Variants in DLGAP1 observed in about 807,000 individuals in gnomAD.
DLGAP1 encodes disks large-associated protein 1.
In DLGAP1, 11 loss-of-function variants were observed where a neutral mutation model predicts 90.8. That is an observed-to-expected ratio of 0.12 (90% CI 0.08 to 0.20). DLGAP1 has a LOEUF of 0.20. Among genes scored for constraint, DLGAP1 ranks in the 10% least tolerant of loss-of-function variants. The pLI, the probability that DLGAP1 is intolerant of heterozygous loss-of-function variation, is 1.00. For missense variants in DLGAP1, 1,050 were observed against 1,333.8 expected (o/e 0.79, Z 3.31); for synonymous variants, 558 against 540.7 (o/e 1.03, Z -0.44).
intron 5 of DLGAP1, among the ~76,000 whole-genome samples, chr18:3,812,294 C>A (rs1020295117): frequency 1.2e-4 from 18 of 151,896 alleles, no homozygotes; most frequent in Non-Finnish European, 2.2e-4. Context: ...AAATCCAGTT[C>A]TTCTAATTTA....
At chr18:4,307,906 G>A (rs1395331893) in intron 1 of DLGAP1, among the ~76,000 whole-genome samples, 3 of 151,972 alleles carry the variant, frequency 2.0e-5, no homozygotes, top group Admixed American at 6.6e-5. Flanking sequence ...AGTAGAGATG[G>A]GGTTTCGCTA....
chr18:3,758,696 T>C (rs1176797468), intron 5 of DLGAP1, among the ~76,000 whole-genome samples: 1 of 152,182 alleles, frequency 6.6e-6, no homozygotes, highest in African/African-American at 2.4e-5. Context: ...ATGTCCTCCA[T>C]AACATCCAGC....
chr18:4,111,821 C>T (rs1303328650), intron 2 of DLGAP1, among the ~76,000 whole-genome samples: 7 of 151,810 alleles, frequency 4.6e-5, no homozygotes, highest in East Asian at 3.9e-4. Flanking sequence ...ATGTGAATCT[C>T]ATCTTTCTTC....
chr18:4,099,692 T>C (rs1460067007), intron 2 of DLGAP1, among the ~76,000 whole-genome samples: 1 of 151,654 alleles, frequency 6.6e-6, no homozygotes, highest in Non-Finnish European at 1.5e-5. Flanking sequence ...CAATTTCTTT[T>C]CTTTTTTTAC....
chr18:3,632,426 G>A (rs1029345055), intron 7 of DLGAP1, among the ~76,000 whole-genome samples: 6 of 151,558 alleles, frequency 4.0e-5, no homozygotes, highest in East Asian at 1.9e-4. Context: ...CTCAACCTCC[G>A]AAGTAGCTGG....
At chr18:3,950,619 A>C (rs2072966865) in intron 3 of DLGAP1, among the ~76,000 whole-genome samples, 1 of 152,256 alleles carries the variant, frequency 6.6e-6, no homozygotes, top group Non-Finnish European at 1.5e-5. Flanking sequence ...TGAATGAATG[A>C]TGAACATTCA....
intron 4 of DLGAP1, among the ~76,000 whole-genome samples, chr18:3,854,805 C>T (rs866226321): frequency 1.3e-5 from 2 of 152,194 alleles, no homozygotes; most frequent in Admixed American, 6.5e-5. Context: ...GGCAGCCTGA[C>T]ATGATTACCA....
chr18:3,597,954 G>A (rs1282831166), intron 7 of DLGAP1: 1 of 152,718 alleles, frequency 6.5e-6, no homozygotes, highest in African/African-American at 2.4e-5. Flanking sequence ...ACAGAAAAAC[G>A]TATCTGGGTA....
chr18:3,850,346 T>C (rs993909358), intron 4 of DLGAP1, among the ~76,000 whole-genome samples: 47 of 151,706 alleles, frequency 3.1e-4, no homozygotes, highest in African/African-American at 1.1e-3. Context: ...GAGCTGAGAT[T>C]GTGTCACTGC....
rs1568388221 is a variant in DLGAP1 at position 4,087,067 on chromosome 18, AC to A, written c.-159+64112del. On this transcript the variant is annotated intron_variant, in intron 2 of 12. Transcript: ENST00000315677. Reference sequence around the variant, plus strand: ...CACAAACACATATATATATACACACACTTATATATACATATATGTATATATG... The same window carrying A: ...CACAAACACATATATATATACACACATTATATATACATATATGTATATATG... Among the ~76,000 whole-genome samples the A allele has an allele frequency of 4.5e-4, 36 of 80,232 alleles. 1 individual carries two copies. In the East Asian group the frequency reaches 4.9e-3, roughly 11 times the overall value. 52.6% of individuals were successfully genotyped at this position (80,232 alleles called of 152,430 possible).
intron 2 of DLGAP1, among the ~76,000 whole-genome samples, chr18:4,081,662 C>T (rs77031271): frequency 3.6e-4 from 55 of 152,300 alleles, no homozygotes; most frequent in African/African-American, 1.3e-3. Context: ...ATTAACTTAA[C>T]TCATATTGGA....
At chr18:4,266,723 A>C (rs1039027653) in intron 1 of DLGAP1, among the ~76,000 whole-genome samples, 1 of 152,212 alleles carries the variant, frequency 6.6e-6, no homozygotes, top group Non-Finnish European at 1.5e-5. Flanking sequence ...TATTTGGGTA[A>C]ATTTCAGATG....
chr18:3,700,050 C>T (rs2061226716), intron 7 of DLGAP1, among the ~76,000 whole-genome samples: 1 of 152,184 alleles, frequency 6.6e-6, no homozygotes, highest in South Asian at 2.1e-4. Flanking sequence ...TGGATCTTAG[C>T]TTGCTAGGCT....
chr18:3,517,436 GT>G lies in DLGAP1; in HGVS notation c.2480-8776del, dbSNP rs1422638205. Among the ~76,000 whole-genome samples the G allele has an allele frequency of 6.6e-6, 1 of 152,206 alleles. No individual in the cohort carries two copies. Among genetic ancestry groups the G allele is most frequent in the Non-Finnish European group, 1.5e-5 (1 of 68,036 alleles). On this transcript the variant is annotated intron_variant, in intron 10 of 12. Coordinates refer to ENST00000315677, the MANE Select transcript of DLGAP1 (RefSeq NM_004746.4). The surrounding 1 kb of genome is among the most constrained non-coding windows in gnomAD (Gnocchi z 4.1). ...CACCTTGCATTATATTACAGAGACA[GT>G]TTCTTTCTTTAAACTCCATGAACCA...
At chr18:4,432,317 G>A (rs771421534) in intron 1 of DLGAP1, among the ~76,000 whole-genome samples, 1 of 151,886 alleles carries the variant, frequency 6.6e-6, no homozygotes, top group Non-Finnish European at 1.5e-5. Context: ...TAACTGAAAC[G>A]TTTTACTATT....
intron 2 of DLGAP1, among the ~76,000 whole-genome samples, chr18:4,048,994 A>AGGC (rs960892686): frequency 2.6e-5 from 4 of 152,176 alleles, no homozygotes; most frequent in South Asian, 4.1e-4. Flanking sequence ...TGGGAGGCCG[A>AGGC]GGGAGGCAGA....
At chr18:4,058,218 C>T (rs963411439) in intron 2 of DLGAP1, among the ~76,000 whole-genome samples, 6 of 152,186 alleles carry the variant, frequency 3.9e-5, no homozygotes, top group Admixed American at 3.3e-4. Context: ...CCAGACAGTC[C>T]ACATTGGGAA....
At chr18:4,077,815 A>C (rs2075546645) in intron 2 of DLGAP1, among the ~76,000 whole-genome samples, 1 of 152,216 alleles carries the variant, frequency 6.6e-6, no homozygotes. Flanking sequence ...TACAGGCCCC[A>C]AATCCCTATG....
chr18:3,772,354 T>C (rs1442608942), intron 5 of DLGAP1, among the ~76,000 whole-genome samples: 7 of 64,480 alleles, frequency 1.1e-4, no homozygotes, highest in African/African-American at 1.9e-4. Flanking sequence ...CTCTCTTTCT[T>C]TCTTTCTTTC....
Sources: gnomAD v4.1 joint callset for allele counts (sites outside exome capture counted in the v4.1 genomes callset) on GRCh38, gnomAD v4.1.1 for gene constraint, Gnocchi (gnomAD v3.1) non-coding constraint, MANE v1.5 for transcripts, NCBI Gene and HGNC (gene_info 2026-07-23, HGNC 2026-07-21) for gene names.